PPFIBP2: variants seen among roughly 807,000 people sequenced by gnomAD.
The protein encoded by PPFIBP2 is PPFIB scaffold protein 2.
PPFIBP2 carries 118 observed loss-of-function variants against 118.3 expected under a neutral mutation model. The ratio of observed to expected loss-of-function variants is 1.00; its 90% CI spans 0.86 to 1.16. The LOEUF (loss-of-function observed/expected upper bound fraction) is 1.16, where lower values mean the gene tolerates loss of function less well. Among genes scored for constraint, PPFIBP2 ranks in the 50% most tolerant of loss-of-function variants. The probability of loss-of-function intolerance (pLI) is 0.00; values close to 1 mark genes in which losing one functional copy is unlikely to be tolerated. For synonymous variants in PPFIBP2, 414 were observed against 397.4 expected, an observed-to-expected ratio of 1.04 and a Z score of -0.50; for missense variants, 1,195 against 1,073.1, an observed-to-expected ratio of 1.11 and a Z score of -1.59.
intron 5 of PPFIBP2, chr11:7,605,783 GA>G: frequency 7.2e-7 from 1 of 1,389,136 alleles, no homozygotes; most frequent in Non-Finnish European, 9.3e-7. Context: ...TGAAAGGTCA[GA>G]AGATTGTGGC....
At chr11:7,611,997 G>A (rs147141923) in intron 6 of PPFIBP2, among the ~76,000 whole-genome samples, 8 of 152,124 alleles carry the variant, frequency 5.3e-5, no homozygotes, top group Non-Finnish European at 1.2e-4. Flanking sequence ...GGACTTTGGG[G>A]GCAGAATTCC....
chr11:7,573,910 A>G (rs1855956688), intron 3 of PPFIBP2: 2 of 152,220 alleles, frequency 1.3e-5, no homozygotes, highest in Admixed American at 1.3e-4. Context: ...CTCTCAGTTT[A>G]CAGTTCTGCC....
intron 1 of PPFIBP2, among the ~76,000 whole-genome samples, chr11:7,515,518 G>A (rs1388777806): frequency 2.0e-5 from 3 of 152,312 alleles, no homozygotes; most frequent in Admixed American, 2.0e-4. Context: ...TTTTAAGAAA[G>A]GGTGATGTGA....
At position 7,625,830 on chromosome 11, in the gene PPFIBP2, G is replaced by A. The variant is rs1273956407; in HGVS notation, c.765G>A (p.Glu255=). The change falls in exon 8 of 24, where the codon GAG becomes GAA. Residue 255 remains glutamate (E), a synonymous_variant. Coordinates refer to ENST00000299492, the MANE Select transcript of PPFIBP2 (RefSeq NM_003621.5). ...EQVALKDAEI[E]RLHSQLSRTA... ...TGGCCCTGAAAGATGCAGAAATTGA[G>A]CGTCTGCACAGCCAGCTCTCCCGGA... is the stretch of plus-strand genomic sequence containing the variant. The A allele has an allele frequency of 6.2e-7, 1 of 1,614,128 alleles. No individual in the cohort carries two copies. The highest frequency in any genetic ancestry group is 8.5e-7 in the Non-Finnish European group (1 of 1,180,046).
chr11:7,518,188 G>A (rs1849412515), intron 1 of PPFIBP2, among the ~76,000 whole-genome samples: 2 of 152,218 alleles, frequency 1.3e-5, no homozygotes, highest in African/African-American at 4.8e-5. Flanking sequence ...AGGTCTTGTT[G>A]TGGGGTTTGA....
chr11:7,630,210 C>G (rs946716561), intron 10 of PPFIBP2, among the ~76,000 whole-genome samples: 2 of 151,904 alleles, frequency 1.3e-5, no homozygotes, highest in Non-Finnish European at 2.9e-5. Context: ...ACCTCTGATT[C>G]TGGCTGAGCT....
At chr11:7,628,388 A>C (rs367761340) in intron 9 of PPFIBP2, 42 bp downstream of exon 9, 3 of 1,581,182 alleles carry the variant, frequency 1.9e-6, no homozygotes, top group Non-Finnish European at 2.6e-6. Context: ...CCATGCTTAC[A>C]TCCCTGGCTG....
At chr11:7,596,101 AG>A (rs1290588859) in intron 4 of PPFIBP2, among the ~76,000 whole-genome samples, 3 of 152,232 alleles carry the variant, frequency 2.0e-5, no homozygotes, top group Non-Finnish European at 4.4e-5. Context: ...AATTAGCTAT[AG>A]AATGCTAGAG....
chr11:7,581,271 G>T (rs1311130014), intron 3 of PPFIBP2, among the ~76,000 whole-genome samples: 1 of 152,216 alleles, frequency 6.6e-6, no homozygotes, highest in Non-Finnish European at 1.5e-5. Context: ...TCTAAAAATA[G>T]CTCCGAGCAG....
chr11:7,633,498 G>C (rs956482542), intron 12 of PPFIBP2, among the ~76,000 whole-genome samples: 3 of 152,070 alleles, frequency 2.0e-5, no homozygotes, highest in Non-Finnish European at 4.4e-5. Flanking sequence ...TTTTGAAATT[G>C]AGCCCCATGT....
intron 22 of PPFIBP2, 52 bp from the exon 23 acceptor site, chr11:7,651,604 T>A: frequency 6.6e-7 from 1 of 1,524,070 alleles, no homozygotes; most frequent in South Asian, 1.2e-5. Flanking sequence ...ATCCTCCCCC[T>A]CGAGCCATTT....
rs529585905 is a variant in PPFIBP2 at position 7,606,886 on chromosome 11, ATTTTTTTTTTTTTTTTTTTTT to A, written c.487-3383_487-3363del. Among the ~76,000 whole-genome samples, 49 of 51,442 alleles carry A rather than the reference ATTTTTTTTTTTTTTTTTTTTT, an allele frequency of 9.5e-4. 2 individuals are homozygous for A. Among genetic ancestry groups the A allele is most frequent in the South Asian group, 5.0e-3 (7 of 1,388 alleles). 33.7% of individuals were successfully genotyped at this position (51,442 alleles called of 152,430 possible). Reference sequence around the variant, plus strand: ...CTGATCAGAAGACAAAACTGCATGAATTTTTTTTTTTTTTTTTTTTTTTTTTTTTTTTTTTTTTTTTTGAGA... The same window carrying A: ...CTGATCAGAAGACAAAACTGCATGAATTTTTTTTTTTTTTTTTTTTTGAGA... On this transcript the variant is annotated intron_variant, in intron 5 of 23. Coordinates refer to ENST00000299492, the MANE Select transcript of PPFIBP2 (RefSeq NM_003621.5).
chr11:7,572,338 A>C (rs1855745766), intron 3 of PPFIBP2, among the ~76,000 whole-genome samples: 1 of 152,182 alleles, frequency 6.6e-6, no homozygotes, highest in Non-Finnish European at 1.5e-5. Context: ...GCCTTCAGCC[A>C]CTGCAAATTT....
intron 2 of PPFIBP2, among the ~76,000 whole-genome samples, chr11:7,560,170 A>G (rs1854135402): frequency 6.6e-6 from 1 of 152,184 alleles, no homozygotes; most frequent in Non-Finnish European, 1.5e-5. Flanking sequence ...CAACAGCACA[A>G]GGAAGAAACC....
intron 6 of PPFIBP2, among the ~76,000 whole-genome samples, chr11:7,617,828 C>G (rs1178197869): frequency 6.6e-6 from 1 of 152,048 alleles, no homozygotes; most frequent in Admixed American, 6.6e-5. Context: ...AGGAAAAATC[C>G]CCCCCACATA....
intron 1 of PPFIBP2, among the ~76,000 whole-genome samples, chr11:7,545,691 T>TA (rs11380902): frequency 0.54 from 81,483 of 151,746 alleles, 23,747 homozygotes; most frequent in African/African-American, 0.77. Context: ...ACTACTATAA[T>TA]AAAAAAAGTA....
chr11:7,594,025 G>T (rs1355622484), intron 4 of PPFIBP2, among the ~76,000 whole-genome samples: 1 of 152,192 alleles, frequency 6.6e-6, no homozygotes, highest in Non-Finnish European at 1.5e-5. Flanking sequence ...AAAGGGTGAT[G>T]AGTTAGACTG....
At chr11:7,593,339 G>C (rs1859686592) in intron 4 of PPFIBP2, 115 bp downstream of exon 4, 1 of 1,408,990 alleles carries the variant, frequency 7.1e-7, no homozygotes, top group Admixed American at 2.9e-5. Context: ...TCCTTCCAAT[G>C]CCTATGTTTT....
chr11:7,533,172 C>G (rs1850902047), intron 1 of PPFIBP2, among the ~76,000 whole-genome samples: 1 of 152,148 alleles, frequency 6.6e-6, no homozygotes, highest in South Asian at 2.1e-4. Context: ...TCAGTTATGT[C>G]TCTCACTCAT....
Sources: gnomAD v4.1 joint callset for allele counts (sites outside exome capture counted in the v4.1 genomes callset) on GRCh38, gnomAD v4.1.1 for gene constraint, MANE v1.5 for transcripts, NCBI Gene and HGNC (gene_info 2026-07-23, HGNC 2026-07-21) for gene names.